Variants in FRMD5 observed in about 807,000 individuals in gnomAD.
FRMD5 encodes FERM domain containing 5.
FRMD5 carries 20 observed loss-of-function variants against 69.0 expected under a neutral mutation model. The observed-to-expected ratio is 0.29, with a 90% CI of 0.20 to 0.42. FRMD5 has a LOEUF of 0.42. Ranked by LOEUF, FRMD5 falls within the 10% of genes least tolerant of loss-of-function variation. FRMD5 has a pLI of 1.00. For synonymous variants in FRMD5, 271 were observed against 260.1 expected (o/e 1.04, Z -0.40); for missense variants, 595 against 708.6 (o/e 0.84, Z 1.82).
chr15:44,029,188 C>CA (rs1027352478), intron 1 of FRMD5, among the ~76,000 whole-genome samples: 2 of 152,060 alleles, frequency 1.3e-5, no homozygotes, highest in African/African-American at 4.8e-5. Flanking sequence ...GGCACCAAGC[C>CA]AAAAAAGTCC....
chr15:43,951,980 TTGTGTG>T (rs1174993374), intron 1 of FRMD5, among the ~76,000 whole-genome samples: 6 of 107,710 alleles, frequency 5.6e-5, no homozygotes, highest in Admixed American at 8.7e-5. Context: ...TGTGTGTGTG[TTGTGTG>T]TGTGTGTGTG....
chr15:43,902,465 T>C (rs935577632), intron 6 of FRMD5, among the ~76,000 whole-genome samples: 2 of 152,106 alleles, frequency 1.3e-5, no homozygotes, highest in South Asian at 4.1e-4. Context: ...TGAGGCAGGC[T>C]ACATAATGAA....
chr15:43,989,924 G>T, intron 1 of FRMD5: 1 of 1,142,928 alleles, frequency 8.7e-7, no homozygotes, highest in Non-Finnish European at 1.3e-6. Flanking sequence ...AAGGTGTGGT[G>T]CCAGATCTTC....
chr15:44,113,272 C>T (rs1433280753), intron 1 of FRMD5, among the ~76,000 whole-genome samples: 2 of 152,240 alleles, frequency 1.3e-5, no homozygotes, highest in Non-Finnish European at 2.9e-5. Context: ...GCTCCCTTCT[C>T]ATTTCGCATC....
chr15:44,151,403 A>C (rs898878388), intron 1 of FRMD5, among the ~76,000 whole-genome samples: 4 of 151,588 alleles, frequency 2.6e-5, no homozygotes, highest in African/African-American at 9.7e-5. Flanking sequence ...TCTCAAAAAA[A>C]AAAAAAAAGA....
intron 1 of FRMD5, among the ~76,000 whole-genome samples, chr15:44,049,387 TG>T (rs1892562295): frequency 6.6e-6 from 1 of 152,132 alleles, no homozygotes; most frequent in South Asian, 2.1e-4. Flanking sequence ...AGCTGGACAG[TG>T]GGCTCCTTAA....
At chr15:44,036,974 TC>T (rs1891942362) in intron 1 of FRMD5, among the ~76,000 whole-genome samples, 1 of 152,168 alleles carries the variant, frequency 6.6e-6, no homozygotes, top group South Asian at 2.1e-4. Context: ...TAGGCAGCAC[TC>T]AACATTACAA....
chr15:43,876,196 C>T (rs575926633), intron 13 of FRMD5: 93 of 1,599,234 alleles, frequency 5.8e-5, no homozygotes, highest in Admixed American at 4.4e-4. Flanking sequence ...CCAGAGGCTG[C>T]ACCCCCTTTC....
At chr15:43,990,345 T>C (rs936002546) in intron 1 of FRMD5, among the ~76,000 whole-genome samples, 5 of 152,188 alleles carry the variant, frequency 3.3e-5, no homozygotes, top group African/African-American at 4.8e-5. Flanking sequence ...CTTTTTGCAA[T>C]AGTCTGGAAT....
intron 1 of FRMD5, among the ~76,000 whole-genome samples, chr15:44,109,755 C>T (rs1417130904): frequency 3.3e-5 from 5 of 152,196 alleles, no homozygotes; most frequent in Non-Finnish European, 7.3e-5. Context: ...CCATCACTGT[C>T]ATATGATACA....
intron 1 of FRMD5, among the ~76,000 whole-genome samples, chr15:44,090,097 C>T (rs955829519): frequency 2.0e-5 from 3 of 152,172 alleles, no homozygotes; most frequent in Middle Eastern, 3.4e-3. Context: ...ACTTGAATTC[C>T]CATTTTAAAC....
chr15:44,115,056 T>G (rs2076849830), intron 1 of FRMD5, among the ~76,000 whole-genome samples: 1 of 152,220 alleles, frequency 6.6e-6, no homozygotes. Context: ...TAAAAAAAAC[T>G]GAGTAAGCTA....
At chr15:44,020,981 T>C (rs1891187259) in intron 1 of FRMD5, among the ~76,000 whole-genome samples, 1 of 152,226 alleles carries the variant, frequency 6.6e-6, no homozygotes, top group Non-Finnish European at 1.5e-5. Context: ...TAGCTTTGTG[T>C]ATTTATTTTG....
intron 1 of FRMD5, among the ~76,000 whole-genome samples, chr15:44,073,089 C>A (rs1263779139): frequency 6.6e-6 from 1 of 152,090 alleles, no homozygotes; most frequent in African/African-American, 2.4e-5. Flanking sequence ...AGCTATTGAT[C>A]ATGCCACTGC....
chr15:43,911,415 T>C (rs1240186652), intron 4 of FRMD5, among the ~76,000 whole-genome samples: 1 of 152,214 alleles, frequency 6.6e-6, no homozygotes. Flanking sequence ...GAAAGGTCCA[T>C]GTGGTGAGGA....
chr15:44,145,957 A>C (rs1484864676), intron 1 of FRMD5, among the ~76,000 whole-genome samples: 2 of 152,208 alleles, frequency 1.3e-5, no homozygotes, highest in East Asian at 3.8e-4. Context: ...GCAGAAATTT[A>C]ATACATTACA....
At chr15:43,926,654 T>A (rs959379967) in intron 1 of FRMD5, among the ~76,000 whole-genome samples, 4 of 151,954 alleles carry the variant, frequency 2.6e-5, no homozygotes, top group Non-Finnish European at 5.9e-5. Context: ...GCTGGAAGAA[T>A]AGGTGAGTAG....
intron 1 of FRMD5, among the ~76,000 whole-genome samples, chr15:44,105,063 G>C (rs1468781036): frequency 1.3e-5 from 2 of 149,818 alleles, no homozygotes; most frequent in Admixed American, 1.4e-4. Context: ...GTAGTAAAGA[G>C]CCTATATCAC....
intron 6 of FRMD5, 76 bp downstream of exon 6, chr15:43,905,752 A>C: frequency 3.2e-6 from 5 of 1,575,488 alleles, no homozygotes; most frequent in Non-Finnish European, 4.3e-6. Context: ...GCGAGAACAG[A>C]GGACACGGCG....
Sources: allele counts gnomAD v4.1 joint callset (sites outside exome capture counted in the v4.1 genomes callset), GRCh38; gene constraint gnomAD v4.1.1; transcripts MANE v1.5; gene names NCBI Gene and HGNC (gene_info 2026-07-23, HGNC 2026-07-21).